The following RBFOX1 variants were observed in gnomAD, a reference collection of about 807,000 sequenced individuals.
RBFOX1 encodes the protein RNA binding protein fox-1 homolog 1.
RBFOX1 carries 8 observed loss-of-function variants against 57.7 expected under a neutral mutation model. That is an observed-to-expected ratio of 0.14 (90% CI 0.08 to 0.25). The LOEUF (loss-of-function observed/expected upper bound fraction) is 0.25. Ranked by LOEUF, RBFOX1 falls within the 10% of genes least tolerant of loss-of-function variation. RBFOX1 has a pLI of 1.00. For missense variants in RBFOX1, 611 were observed against 548.5 expected (o/e 1.11, Z -1.14); for synonymous variants, 326 against 222.4 (o/e 1.47, Z -4.15).
intron 3 of RBFOX1, among the ~76,000 whole-genome samples, chr16:6,896,566 C>T (rs140960709): frequency 1.3e-5 from 2 of 152,218 alleles, no homozygotes; most frequent in East Asian, 1.9e-4. Flanking sequence ...TAATAATCTC[C>T]AGTTCCATCT....
chr16:6,647,877 T>G (rs1272041480), intron 2 of RBFOX1, among the ~76,000 whole-genome samples: 2 of 152,158 alleles, frequency 1.3e-5, no homozygotes, highest in African/African-American at 4.8e-5. Flanking sequence ...TCTTGTTCTT[T>G]GTTGCCCAGT....
At chr16:6,671,050 T>C (rs1189846696) in intron 3 of RBFOX1, among the ~76,000 whole-genome samples, 1 of 152,194 alleles carries the variant, frequency 6.6e-6, no homozygotes, top group Middle Eastern at 3.2e-3. Flanking sequence ...TGCAATTTGG[T>C]AGAAATCATT....
At chr16:7,332,254 T>A (rs1353144938) in intron 4 of RBFOX1, among the ~76,000 whole-genome samples, 1 of 152,218 alleles carries the variant, frequency 6.6e-6, no homozygotes, top group African/African-American at 2.4e-5. Flanking sequence ...TATATGGGAC[T>A]GATAATAGTA....
chr16:5,410,371 CA>C (rs34771883), intron 1 of RBFOX1, among the ~76,000 whole-genome samples: 15,467 of 145,486 alleles, frequency 0.11, 854 homozygotes, highest in Middle Eastern at 0.15. Context: ...GACCCTGTCT[CA>C]AAAAAAAAAA....
intron 4 of RBFOX1, among the ~76,000 whole-genome samples, chr16:7,241,745 A>G (rs984307741): frequency 2.6e-5 from 4 of 152,156 alleles, no homozygotes; most frequent in African/African-American, 9.7e-5. Flanking sequence ...AAACACACAC[A>G]CATGCCCATT....
At chr16:6,586,639 G>A (rs2097625188) in intron 2 of RBFOX1, among the ~76,000 whole-genome samples, 1 of 152,186 alleles carries the variant, frequency 6.6e-6, no homozygotes, top group Non-Finnish European at 1.5e-5. Flanking sequence ...TGTATGCCAT[G>A]TATTTTCAGG....
intron 4 of RBFOX1, among the ~76,000 whole-genome samples, chr16:7,288,675 T>TA (rs2095698683): frequency 6.6e-6 from 1 of 152,170 alleles, no homozygotes; most frequent in African/African-American, 2.4e-5. Flanking sequence ...ATGCCATCTC[T>TA]ACTAAAAATA....
intron 2 of RBFOX1, among the ~76,000 whole-genome samples, chr16:5,593,792 C>T (rs561739118): frequency 5.3e-5 from 8 of 152,298 alleles, no homozygotes; most frequent in Admixed American, 1.3e-4. Flanking sequence ...CTTTACTTTC[C>T]TAATCAACTT....
At chr16:6,455,628 C>A (rs1020394065) in intron 2 of RBFOX1, among the ~76,000 whole-genome samples, 1 of 152,162 alleles carries the variant, frequency 6.6e-6, no homozygotes, top group Non-Finnish European at 1.5e-5. Context: ...TTGTCCGAGG[C>A]TTACCATATA....
At chr16:7,577,424 T>C (rs1331609492) in intron 5 of RBFOX1, among the ~76,000 whole-genome samples, 7 of 152,182 alleles carry the variant, frequency 4.6e-5, no homozygotes, top group African/African-American at 1.7e-4. Flanking sequence ...TTCACATCTC[T>C]GCACATCTGC....
intron 3 of RBFOX1, among the ~76,000 whole-genome samples, chr16:6,662,397 C>G (rs1209170639): frequency 6.6e-6 from 1 of 151,992 alleles, no homozygotes; most frequent in Admixed American, 6.6e-5. Flanking sequence ...TAAATATATG[C>G]AATTTTTGTT....
At chr16:7,309,563 T>C (rs2142483123) in intron 4 of RBFOX1, among the ~76,000 whole-genome samples, 1 of 152,326 alleles carries the variant, frequency 6.6e-6, no homozygotes, top group South Asian at 2.1e-4. Flanking sequence ...CGCCATCTGT[T>C]TTCCTTACAG....
At chr16:6,583,009 C>G (rs1283492340) in intron 2 of RBFOX1, among the ~76,000 whole-genome samples, 4 of 144,710 alleles carry the variant, frequency 2.8e-5, no homozygotes. Flanking sequence ...CTCTCCTCTC[C>G]TCTCTTGTCT....
chr16:5,801,052 T>A (rs770798269), intron 3 of RBFOX1, among the ~76,000 whole-genome samples: 2 of 152,088 alleles, frequency 1.3e-5, no homozygotes, highest in Non-Finnish European at 2.9e-5. Context: ...ATTGCCACTT[T>A]TGATGAAGAC....
intron 14 of RBFOX1, among the ~76,000 whole-genome samples, chr16:7,678,711 A>G (rs80112345): frequency 0.12 from 18,746 of 152,200 alleles, 1,515 homozygotes; most frequent in East Asian, 0.34. Context: ...ATTTAATGCT[A>G]TTAGAATTAC....
intron 5 of RBFOX1, 57 bp from the exon 6 acceptor site, chr16:7,579,720 C>G: frequency 6.2e-7 from 1 of 1,601,744 alleles, no homozygotes; most frequent in South Asian, 1.1e-5. Flanking sequence ...AAAAGAGCAT[C>G]GGAAGAGAGC....
intron 3 of RBFOX1, among the ~76,000 whole-genome samples, chr16:6,656,371 C>A (rs561616411): frequency 2.0e-5 from 3 of 152,214 alleles, no homozygotes; most frequent in Non-Finnish European, 2.9e-5. Flanking sequence ...GTTAGAACAA[C>A]CTGAGCTCCA....
intron 4 of RBFOX1, among the ~76,000 whole-genome samples, chr16:7,205,164 A>T (rs565562541): frequency 2.6e-5 from 4 of 152,088 alleles, no homozygotes; most frequent in African/African-American, 9.7e-5. Context: ...ACCAAGAAAA[A>T]TAGTGAGAGA....
intron 3 of RBFOX1, among the ~76,000 whole-genome samples, chr16:6,819,773 C>G (rs1167393033): frequency 2.9e-5 from 4 of 136,270 alleles, no homozygotes; most frequent in Non-Finnish European, 4.7e-5. Flanking sequence ...GTATTAAAAT[C>G]TATTTCAAAG....
Sources: allele counts gnomAD v4.1 joint callset (sites outside exome capture counted in the v4.1 genomes callset), GRCh38; gene constraint gnomAD v4.1.1; transcripts MANE v1.5; gene names NCBI Gene and HGNC (gene_info 2026-07-23, HGNC 2026-07-21).